MAOA: variants seen among roughly 807,000 people sequenced by gnomAD.
The protein encoded by MAOA is amine oxidase [flavin-containing] A.
A neutral mutation model predicts 42.0 loss-of-function variants in MAOA; 6 were observed. The ratio of observed to expected loss-of-function variants is 0.14; its 90% confidence interval spans 0.08 to 0.28. The LOEUF (loss-of-function observed/expected upper bound fraction) is 0.28. MAOA is among the 10% of genes least tolerant of loss of function. The pLI, the probability that MAOA is intolerant of heterozygous loss-of-function variation, is 1.00. For synonymous variants in MAOA, 140 were observed against 154.0 expected, an observed-to-expected ratio of 0.91 and a Z score of 0.67; for missense variants, 262 against 422.3, an observed-to-expected ratio of 0.62 and a Z score of 3.33.
intron 9 of MAOA, among the ~76,000 whole-genome samples, chrX:43,735,049 A>G (rs963151333): frequency 2.7e-5 from 3 of 112,186 alleles, no homozygotes; most frequent in Non-Finnish European, 5.6e-5. Context: ...ATAAAGTTCA[A>G]TAGTTCAGAT....
chrX:43,668,700 C>T (rs965109431), intron 1 of MAOA, among the ~76,000 whole-genome samples: 8 of 112,009 alleles, frequency 7.1e-5, no homozygotes, highest in South Asian at 3.7e-4. Flanking sequence ...TCTCTCTAAT[C>T]TTGTACCAGC....
At position 43,669,907 on chromosome X, in the gene MAOA, C is replaced by G. The variant is rs2033314581; in HGVS notation, c.73+13493C>G. 4.5e-5 allele frequency among the ~76,000 whole-genome samples: 5 copies of G among 111,892 alleles called. 1 individual carries two copies. In the South Asian group the frequency reaches 1.9e-3, roughly 42 times the overall value. On this transcript the variant is annotated intron_variant, in intron 1 of 14. Coordinates refer to ENST00000338702, the MANE Select transcript of MAOA (RefSeq NM_000240.4). ...GAAGTACTTTTCCACAGATCGCCCT[C>G]TGGGAAACACAGATTTAGAGAAATA...
intron 1 of MAOA, chrX:43,657,943 T>A: frequency 1.3e-6 from 1 of 751,388 alleles, no homozygotes; most frequent in Non-Finnish European, 1.6e-6. Flanking sequence ...TGTTGGAGCA[T>A]CAGAGGAAAG....
chrX:43,714,800 G>A (rs73633022), intron 5 of MAOA, among the ~76,000 whole-genome samples: 6,408 of 104,389 alleles, frequency 0.061, 561 homozygotes, highest in African/African-American at 0.22. Context: ...GAAATGGGGC[G>A]GGGGTGGGGT....
At chrX:43,743,109 G>A (rs2033972824) in intron 12 of MAOA, among the ~76,000 whole-genome samples, 1 of 110,597 alleles carries the variant, frequency 9.0e-6, no homozygotes, top group African/African-American at 3.3e-5. Context: ...ATGCAGCTTG[G>A]GAGAGTTCAT....
chrX:43,668,937 T>C (rs1167722562), intron 1 of MAOA, among the ~76,000 whole-genome samples: 1 of 111,747 alleles, frequency 8.9e-6, no homozygotes. Flanking sequence ...TATTTCCTTT[T>C]ATCAAAAAAT....
intron 14 of MAOA, 58 bp downstream of exon 14, chrX:43,744,229 T>A: frequency 8.8e-7 from 1 of 1,137,200 alleles, no homozygotes; most frequent in Non-Finnish European, 1.2e-6. Context: ...AACATAAAAC[T>A]CACATCTCCC....
At chrX:43,736,179 AAAAT>A (rs776141656) in intron 9 of MAOA, 44 bp from the exon 10 acceptor site, 1 of 975,043 alleles carries the variant, frequency 1.0e-6, no homozygotes, top group Non-Finnish European at 1.5e-6. Context: ...GGCAGCTCTT[AAAAT>A]AAACAGCTGT....
intron 1 of MAOA, among the ~76,000 whole-genome samples, chrX:43,664,596 G>A (rs1418211970): frequency 1.8e-5 from 2 of 112,065 alleles, no homozygotes; most frequent in African/African-American, 6.5e-5. Flanking sequence ...ATGTAATGAA[G>A]ATGACCTTTA....
At chrX:43,677,253 A>T (rs1472828185) in intron 1 of MAOA, among the ~76,000 whole-genome samples, 1 of 111,871 alleles carries the variant, frequency 8.9e-6, no homozygotes, top group Non-Finnish European at 1.9e-5. Flanking sequence ...TGCTATGTGG[A>T]TAAAATCATC....
chrX:43,728,763 C>T (rs6610845), intron 6 of MAOA, among the ~76,000 whole-genome samples: 56,479 of 111,701 alleles, frequency 0.51, 11,627 homozygotes, highest in Non-Finnish European at 0.66. Context: ...CCTTCTAATT[C>T]ACGCAAGTGA....
intron 5 of MAOA, among the ~76,000 whole-genome samples, chrX:43,725,262 G>T (rs188028868): frequency 4.6e-4 from 51 of 111,458 alleles, no homozygotes; most frequent in Admixed American, 1.4e-3. Flanking sequence ...AATGCTGACA[G>T]TGGGGTATTA....
chrX:43,684,570 CA>C (rs749964154), intron 2 of MAOA, among the ~76,000 whole-genome samples: 3 of 110,962 alleles, frequency 2.7e-5, no homozygotes, highest in African/African-American at 9.8e-5. Flanking sequence ...CAAAACAAAA[CA>C]AAAACCCTCG....
intron 5 of MAOA, among the ~76,000 whole-genome samples, chrX:43,722,052 G>C: frequency 8.9e-6 from 1 of 111,756 alleles, no homozygotes. Context: ...AGTATTCCAT[G>C]GTGTATATGT....
At chrX:43,661,842 C>A (rs186296633) in intron 1 of MAOA, among the ~76,000 whole-genome samples, 2 of 111,536 alleles carry the variant, frequency 1.8e-5, no homozygotes, top group African/African-American at 3.2e-5. Flanking sequence ...CAATAGAACT[C>A]CTCTCTATTT....
chrX:43,657,868 A>T (rs1312754903), intron 1 of MAOA: 1 of 743,838 alleles, frequency 1.3e-6, no homozygotes, highest in African/African-American at 2.3e-5. Context: ...ACAGGCCAAG[A>T]GAAGAGATTG....
At chrX:43,676,242 C>G (rs1005673372) in intron 1 of MAOA, among the ~76,000 whole-genome samples, 2 of 112,192 alleles carry the variant, frequency 1.8e-5, no homozygotes, top group Admixed American at 9.4e-5. Context: ...GTAGGACCCT[C>G]TGAGCCAGGT....
intron 1 of MAOA, among the ~76,000 whole-genome samples, chrX:43,674,702 A>G (rs1156790220): frequency 9.0e-6 from 1 of 110,997 alleles, no homozygotes; most frequent in Admixed American, 9.6e-5. Flanking sequence ...TCCTTCACTT[A>G]TGAAGCTTAG....
Position 43,741,956 on chromosome X carries a change from C to G in MAOA, c.1171C>G (p.His391Asp), listed in dbSNP as rs762553962. 1 of 1,211,711 alleles carries G rather than the reference C, an allele frequency of 8.3e-7. No homozygotes were observed. Among genetic ancestry groups the G allele is most frequent in the Non-Finnish European group, 1.1e-6 (1 of 895,499 alleles). Residue 391 changes from histidine (H) to aspartate (D), a missense_variant, in exon 12 of 15, where the codon CAT becomes GAT. Transcript: ENST00000338702. ...CTTCCCCACTGAACTGCAGCCAGTG[C>G]ATTATGAAGAGAAGAACTGGTGTGA... ...LGSQEALHPV[H>D]YEEKNWCEEQ...
Sources: gnomAD v4.1 joint callset for allele counts (sites outside exome capture counted in the v4.1 genomes callset) on GRCh38, gnomAD v4.1.1 for gene constraint, MANE v1.5 for transcripts, NCBI Gene and HGNC (gene_info 2026-07-23, HGNC 2026-07-21) for gene names.